The following RALGDS variants were observed in gnomAD, a reference collection of about 807,000 sequenced individuals.
RALGDS encodes the protein ral guanine nucleotide dissociation stimulator.
A neutral mutation model predicts 99.8 loss-of-function variants in RALGDS; 44 were observed. The ratio of observed to expected loss-of-function variants is 0.44; its 90% confidence interval spans 0.35 to 0.57. The LOEUF is 0.57. Ranked by LOEUF, RALGDS falls within the 20% of genes least tolerant of loss-of-function variation. The pLI is 0.01. For synonymous variants in RALGDS, 529 were observed against 505.0 expected (o/e 1.05, Z -0.64); for missense variants, 1,022 against 1,203.1 (o/e 0.85, Z 2.23).
At chr9:133,103,039 C>A in intron 12 of RALGDS, 139 bp from the exon 13 acceptor site, 2 of 1,432,816 alleles carry the variant, frequency 1.4e-6, no homozygotes, top group Non-Finnish European at 1.9e-6. Context: ...TTGGGCTCAG[C>A]CACTCCCCAG....
At chr9:133,140,195 A>G (rs1386846559) in intron 1 of RALGDS, among the ~76,000 whole-genome samples, 2 of 151,996 alleles carry the variant, frequency 1.3e-5, no homozygotes, top group African/African-American at 4.8e-5. Flanking sequence ...CCAGGACTTA[A>G]ATACCTTCTG....
At chr9:133,132,081 A>G (rs752043069), upstream of RALGDS, among the ~76,000 whole-genome samples, 14 of 152,330 alleles carry the variant, frequency 9.2e-5, no homozygotes, top group Non-Finnish European at 1.9e-4. Context: ...CCCTGGCAGC[A>G]AGGTCCAGAT....
At chr9:133,117,521 C>A (rs1831669991) in intron 1 of RALGDS, among the ~76,000 whole-genome samples, 1 of 152,248 alleles carries the variant, frequency 6.6e-6, no homozygotes, top group South Asian at 2.1e-4. Flanking sequence ...CACTGTTGGG[C>A]TGCCATCCCA....
upstream of RALGDS, among the ~76,000 whole-genome samples, chr9:133,125,926 G>T (rs886422805): frequency 6.6e-6 from 1 of 152,142 alleles, no homozygotes; most frequent in African/African-American, 2.4e-5. Flanking sequence ...GGGGTTGGGG[G>T]CTCTGCTGTG....
At chr9:133,108,936 GGCCCCTGTCCATCTGAAGGCCACCT>G (rs1026260126) in intron 4 of RALGDS, 70 bp from the exon 5 acceptor site, 2 of 1,457,444 alleles carry the variant, frequency 1.4e-6, no homozygotes, top group African/African-American at 2.8e-5. Context: ...CTCCTGAGCC[GGCCCCTGTCCATCTGAAGGCCACCT>G]GCCCCGGCCC....
Position 133,126,594 on chromosome 9 carries a change from C to A in RALGDS, c.132+4358G>T, listed in dbSNP as rs1832167018. On this transcript the variant is annotated intron_variant, in intron 1 of 17. Transcript: ENST00000372062. The stretch of plus-strand genomic sequence containing the variant: ...GTGTGGGGACTGCTCTGACAACTGT[C>A]CCCCACTCCCGCAGTGCCCAGTGCC... 2.0e-5 allele frequency among the ~76,000 whole-genome samples: 3 copies of A among 152,322 alleles called. No individual in the cohort carries two copies. The South Asian group carries it at 6.2e-4, about 32-fold the overall frequency.
At chr9:133,131,471 T>A, upstream of RALGDS, among the ~76,000 whole-genome samples, 1 of 151,904 alleles carries the variant, frequency 6.6e-6, no homozygotes, top group South Asian at 2.1e-4. Flanking sequence ...CCCCTCCTAC[T>A]AACTCCAGCT....
chr9:133,128,732 T>C (rs1832239048), intron 1 of RALGDS, among the ~76,000 whole-genome samples: 1 of 152,184 alleles, frequency 6.6e-6, no homozygotes, highest in Non-Finnish European at 1.5e-5. Context: ...GGGGCCTCAA[T>C]TTCTCCATCA....
At chr9:133,114,614 G>A (rs996461352) in intron 1 of RALGDS, among the ~76,000 whole-genome samples, 5 of 152,252 alleles carry the variant, frequency 3.3e-5, no homozygotes, top group African/African-American at 9.6e-5. Flanking sequence ...CACTCTGGCC[G>A]GGCTGGGAGC....
chr9:133,103,134 C>A, intron 12 of RALGDS, 96 bp downstream of exon 12: 1 of 1,516,634 alleles, frequency 6.6e-7, no homozygotes. Flanking sequence ...GTCCCATGTC[C>A]CATGAATCTA....
intron 1 of RALGDS, among the ~76,000 whole-genome samples, chr9:133,113,141 CG>C: frequency 6.6e-6 from 1 of 152,248 alleles, no homozygotes. Context: ...GTAGAGGAGC[CG>C]GGGGGTTAAG....
At chr9:133,141,233 G>C (rs1832515625) in intron 1 of RALGDS, among the ~76,000 whole-genome samples, 1 of 152,184 alleles carries the variant, frequency 6.6e-6, no homozygotes, top group African/African-American at 2.4e-5. Context: ...AGGCAACCAG[G>C]TCTCATAGCC....
chr9:133,135,586 C>T (rs144085804), upstream of RALGDS, among the ~76,000 whole-genome samples: 1 of 151,476 alleles, frequency 6.6e-6, no homozygotes, highest in Non-Finnish European at 1.5e-5. Flanking sequence ...CAACGTCTAA[C>T]TGTAAGGATC....
chr9:133,114,428 A>G (rs1831494768), intron 1 of RALGDS, among the ~76,000 whole-genome samples: 1 of 152,172 alleles, frequency 6.6e-6, no homozygotes, highest in African/African-American at 2.4e-5. Flanking sequence ...ACAAAGTGGC[A>G]GAGTAAGGCC....
rs997024691 is a variant in RALGDS at position 133,121,187 on chromosome 9, C to T, written c.-33G>A. 23 of 901,118 alleles carry T rather than the reference C, an allele frequency of 2.6e-5. No individual in the cohort carries two copies. The highest frequency in any genetic ancestry group is 5.5e-4 in the Middle Eastern group (1 of 1,816). The allele number at this position is 901,118 out of a possible 1,614,324, so 55.8% of individuals were successfully genotyped here. On this transcript the variant is annotated 5_prime_UTR_variant, in exon 1 of 18. Transcript: ENST00000372050. ...TCGCAGCGCGGGCGCGGGGCCGGCC[C>T]GGCGCGCGGCGGGGGCGGCGGCGCG...
At chr9:133,146,666 T>C (rs1050540332) in intron 1 of RALGDS, among the ~76,000 whole-genome samples, 3 of 152,160 alleles carry the variant, frequency 2.0e-5, no homozygotes, top group Non-Finnish European at 4.4e-5. Context: ...ACAGCACAGG[T>C]GATGTGAGGT....
chr9:133,102,936 C>T (rs377361074), intron 12 of RALGDS, 36 bp from the exon 13 acceptor site: 14 of 1,610,078 alleles, frequency 8.7e-6, no homozygotes, highest in Non-Finnish European at 1.2e-5. Flanking sequence ...GGTGACAAGG[C>T]CCCCCGGGCA....
rs1830571584 is a variant in RALGDS, at chr9:133,097,765, G to A, written c.*822C>T. 1 of 216,820 alleles carries A rather than the reference G, an allele frequency of 4.6e-6. No individual in the cohort carries two copies. The highest frequency in any genetic ancestry group is 5.8e-5 in the Admixed American group (1 of 17,174). The allele number at this position is 216,820 out of a possible 1,614,324, so 13.4% of individuals were successfully genotyped here. ...AATATAATATTCAAGTCTAGCATTT[G>A]CTATTTACAACAAATAAATATTGCC... On this transcript the variant is annotated 3_prime_UTR_variant, in exon 18 of 18. Transcript: ENST00000372050.
chr9:133,112,242 C>A, intron 1 of RALGDS, 90 bp from the exon 2 acceptor site: 2 of 840,948 alleles, frequency 2.4e-6, no homozygotes, highest in Non-Finnish European at 3.9e-6. Context: ...AACCTGTTTC[C>A]CAGATAGGGC....
Sources: gnomAD v4.1 joint callset for allele counts (sites outside exome capture counted in the v4.1 genomes callset) on GRCh38, gnomAD v4.1.1 for gene constraint, MANE v1.5 for transcripts, NCBI Gene and HGNC (gene_info 2026-07-23, HGNC 2026-07-21) for gene names.